Variants in FAM167A observed in about 807,000 individuals in gnomAD.
FAM167A encodes the protein family with sequence similarity 167 member A, also known as protein FAM167A.
A neutral mutation model predicts 14.9 loss-of-function variants in FAM167A; 23 were observed. The ratio of observed to expected loss-of-function variants is 1.55; its 90% confidence interval spans 1.11 to 2.19. The LOEUF (loss-of-function observed/expected upper bound fraction) is 2.19. FAM167A is among the 30% of genes most tolerant of loss of function. The probability of loss-of-function intolerance (pLI) is 0.00; values close to 1 mark genes in which losing one functional copy is unlikely to be tolerated. For synonymous variants in FAM167A, 174 were observed against 117.7 expected (o/e 1.48, Z -3.10); for missense variants, 401 against 281.5 (o/e 1.42, Z -3.04).
chr8:11,451,105 G>A (rs58387061), intron 1 of FAM167A, among the ~76,000 whole-genome samples: 29,379 of 152,230 alleles, frequency 0.19, 3,117 homozygotes, highest in Non-Finnish European at 0.23. Flanking sequence ...CATCCCTGGG[G>A]TTTCCTTTCT....
rs1330513590 is a variant in FAM167A at position 11,424,517 on chromosome 8, G to A, written c.501C>T (p.Ala167=). Residue 167 remains alanine, a synonymous_variant, in exon 3 of 3, where the codon GCC becomes GCT. Transcript: ENST00000284486. ...CRLHRRMLND[A]TYELEERDEL... ...CATCCCGCTCCTCCAGCTCGTAGGT[G>A]GCATCGTTGAGCATCCTCCTGTGGA... The A allele has an allele frequency of 6.2e-7, 1 of 1,614,090 alleles. No individual in the cohort carries two copies. Among genetic ancestry groups the A allele is most frequent in the Admixed American group, 1.7e-5 (1 of 60,018 alleles).
At chr8:11,458,362 G>A (rs925149859) in intron 1 of FAM167A, among the ~76,000 whole-genome samples, 1 of 152,176 alleles carries the variant, frequency 6.6e-6, no homozygotes, top group Non-Finnish European at 1.5e-5. Context: ...CAGTGCAGCA[G>A]TGCACCTGCT....
intron 2 of FAM167A, chr8:11,438,759 G>C (rs527653301): frequency 1.4e-5 from 5 of 344,882 alleles, no homozygotes; most frequent in South Asian, 2.3e-5. Flanking sequence ...TGCAGGGCTG[G>C]TGCCAGACAG....
chr8:11,452,317 G>T (rs967895825), intron 1 of FAM167A, among the ~76,000 whole-genome samples: 1 of 152,238 alleles, frequency 6.6e-6, no homozygotes, highest in South Asian at 2.1e-4. Flanking sequence ...GCCGCCCATG[G>T]TTCCCTGTGC....
chr8:11,446,977 C>A (rs13439101), intron 1 of FAM167A, among the ~76,000 whole-genome samples: 20,653 of 152,046 alleles, frequency 0.14, 1,770 homozygotes, highest in African/African-American at 0.24. Flanking sequence ...TGAGCAGCAC[C>A]CTCCCGCCCT....
chr8:11,460,813 T>C lies in FAM167A; in HGVS notation c.-398+5813A>G, dbSNP rs548402934. Among the ~76,000 whole-genome samples, 5 of 152,088 alleles carry C rather than the reference T, an allele frequency of 3.3e-5. No homozygotes were observed. In the South Asian group the frequency reaches 8.4e-4, roughly 25 times the overall value. ...TGCACCCAAGTCTTCTGACTCCGAG[T>C]TGAACCCTGCATCTATTGTCTAGGA... On this transcript the variant is annotated intron_variant, in intron 1 of 2. Transcript: ENST00000284486.
intron 2 of FAM167A, among the ~76,000 whole-genome samples, chr8:11,429,504 C>A (rs142307220): frequency 8.2e-4 from 125 of 152,334 alleles, no homozygotes; most frequent in African/African-American, 2.6e-3. Context: ...CCGGCTGCAG[C>A]CGCACACGTT....
In FAM167A at chr8:11,421,872, CAT is replaced by C. The variant is rs1804754567; in HGVS notation, c.*2499_*2500del. On this transcript the variant is annotated 3_prime_UTR_variant, in exon 3 of 3. Transcript: ENST00000284486. ...GGTTAGGCCAATGTTGCTGCTGACT[CAT>C]AGACCCACAGAGAGCAGGGACTTCA... 2.5e-6 allele frequency: 1 copy of C among 394,016 alleles called. No homozygotes were observed. The highest frequency in any genetic ancestry group is 4.5e-6 in the Non-Finnish European group (1 of 222,800). The allele number at this position is 394,016 out of a possible 1,614,324, so 24.4% of individuals were successfully genotyped here. A position where few individuals can be genotyped will look rare whatever the true frequency, so the allele number is the denominator to read the frequency against.
chr8:11,440,329 C>T (rs1265928792), intron 2 of FAM167A, among the ~76,000 whole-genome samples: 1 of 152,190 alleles, frequency 6.6e-6, no homozygotes, highest in Non-Finnish European at 1.5e-5. Context: ...CCTTGAATCC[C>T]CAACACATTA....
intron 1 of FAM167A, chr8:11,474,633 G>T (rs1797813510): frequency 6.6e-6 from 1 of 152,274 alleles, no homozygotes; most frequent in African/African-American, 2.4e-5. Flanking sequence ...GATGCGAGAA[G>T]CCACAGTGCA....
chr8:11,444,416 C>T lies in FAM167A; in HGVS notation c.-5G>A, dbSNP rs536428989. 3.9e-6 allele frequency: 6 copies of T among 1,531,450 alleles called. No homozygotes were observed. The highest frequency in any genetic ancestry group is 2.5e-5 in the South Asian group (2 of 79,380). 94.9% of individuals were successfully genotyped at this position (1,531,450 alleles called of 1,614,324 possible). ...GTGGATCTGGGGCACAGACATTCTA[C>T]AGTCTGCCCTGGCAGCCGGACATGC... On this transcript the variant is annotated 5_prime_UTR_variant, in exon 2 of 3. Transcript: ENST00000284486.
intron 1 of FAM167A, among the ~76,000 whole-genome samples, chr8:11,448,463 A>T (rs780222786): frequency 6.6e-6 from 1 of 152,200 alleles, no homozygotes; most frequent in African/African-American, 2.4e-5. Context: ...AACCTATCAG[A>T]GTTATATCAC....
Position 11,424,343 on chromosome 8 carries a change from T to TCCGCC in FAM167A, c.*29_*30insGGCGG. ...CACCCCTCCAGCCCAAGCCCTCCGC[T>TCCGCC]CCAGCCCCTCCGCCCAGTCTGAGGG... On this transcript the variant is annotated 3_prime_UTR_variant, in exon 3 of 3. Coordinates refer to ENST00000284486, the MANE Select transcript of FAM167A (RefSeq NM_053279.3). 1 of 1,611,472 alleles carries TCCGCC rather than the reference T, an allele frequency of 6.2e-7. No individual in the cohort carries two copies. The highest frequency in any genetic ancestry group is 8.5e-7 in the Non-Finnish European group (1 of 1,178,000).
chr8:11,469,843 G>T (rs184167115), upstream of FAM167A, among the ~76,000 whole-genome samples: 5 of 151,790 alleles, frequency 3.3e-5, no homozygotes, highest in Non-Finnish European at 1.5e-5. Context: ...TTGCACCACC[G>T]CACTCCAGCC....
At position 11,422,724 on chromosome 8, in the gene FAM167A, G is replaced by A. The variant is rs1338919705; in HGVS notation, c.*1649C>T. ...AAAAGAAAAGCAACCTCTCCCCTAT[G>A]TGGGTCACGATGTGTGGGTGGACAC... On this transcript the variant is annotated 3_prime_UTR_variant, in exon 3 of 3. Coordinates refer to ENST00000284486, the MANE Select transcript of FAM167A (RefSeq NM_053279.3). 5.3e-5 allele frequency: 8 copies of A among 152,262 alleles called. No individual in the cohort carries two copies. The highest frequency in any genetic ancestry group is 1.9e-4 in the African/African-American group (8 of 41,438). 9.4% of individuals were successfully genotyped at this position (152,262 alleles called of 1,614,324 possible). A position where few individuals can be genotyped will look rare whatever the true frequency, so the allele number is the denominator to read the frequency against.
upstream of FAM167A, among the ~76,000 whole-genome samples, chr8:11,468,362 G>T (rs954948397): frequency 6.6e-6 from 1 of 152,172 alleles, no homozygotes; most frequent in African/African-American, 2.4e-5. Flanking sequence ...TGCTCCTCCC[G>T]ACAGGCTGCT....
chr8:11,469,291 C>T (rs930675034), upstream of FAM167A, among the ~76,000 whole-genome samples: 5 of 152,154 alleles, frequency 3.3e-5, no homozygotes, highest in Non-Finnish European at 7.4e-5. Flanking sequence ...AGCCTGCATT[C>T]GTTTTCTACA....
At position 11,421,671 on chromosome 8, in the gene FAM167A, C is replaced by G. The variant is rs1267284079; in HGVS notation, c.*2702G>C. ...AAGCCTGCCCAGGCCCTCCAGGCCTCTTTGATAGCTACTGAGCCCCTGAAG... is the reference window on the plus strand; with the variant it reads ...AAGCCTGCCCAGGCCCTCCAGGCCTGTTTGATAGCTACTGAGCCCCTGAAG... On this transcript the variant is annotated 3_prime_UTR_variant, in exon 3 of 3. Coordinates refer to ENST00000284486, the MANE Select transcript of FAM167A (RefSeq NM_053279.3). The G allele has an allele frequency of 2.5e-6, 1 of 398,836 alleles. No individual in the cohort carries two copies. The highest frequency in any genetic ancestry group is 4.4e-6 in the Non-Finnish European group (1 of 226,072). The allele number at this position is 398,836 out of a possible 1,614,324, so 24.7% of individuals were successfully genotyped here. A position where few individuals can be genotyped will look rare whatever the true frequency, so the allele number is the denominator to read the frequency against.
At chr8:11,467,158 G>A (rs563851948), upstream of FAM167A, among the ~76,000 whole-genome samples, 1 of 152,206 alleles carries the variant, frequency 6.6e-6, no homozygotes, top group South Asian at 2.1e-4. Context: ...CCGCGGCCAC[G>A]ACTGCCCGCG....
Sources: allele counts gnomAD v4.1 joint callset (sites outside exome capture counted in the v4.1 genomes callset), GRCh38; gene constraint gnomAD v4.1.1; transcripts MANE v1.5; gene names NCBI Gene and HGNC (gene_info 2026-07-23, HGNC 2026-07-21).